Variants in GMIP observed in about 807,000 individuals in gnomAD.
The protein encoded by GMIP is GEM interacting protein, also known as GEM-interacting protein.
A neutral mutation model predicts 105.3 loss-of-function variants in GMIP; 54 were observed. The observed-to-expected ratio is 0.51, with a 90% CI of 0.41 to 0.64. GMIP has a LOEUF of 0.64. Among genes scored for constraint, GMIP ranks in the 30% least tolerant of loss-of-function variants. GMIP has a pLI of 0.00. For missense variants in GMIP, 1,110 were observed against 1,319.4 expected (o/e 0.84, Z 2.46); for synonymous variants, 541 against 560.8 (o/e 0.96, Z 0.50).
intron 13 of GMIP, among the ~76,000 whole-genome samples, chr19:19,636,320 C>T (rs952494401): frequency 4.0e-5 from 6 of 151,224 alleles, no homozygotes; most frequent in Admixed American, 2.0e-4. Flanking sequence ...GTCAGGAGTT[C>T]GAGATCAGCC....
intron 7 of GMIP, 68 bp downstream of exon 7, chr19:19,640,017 G>A (rs2061900945): frequency 1.3e-6 from 1 of 758,430 alleles, no homozygotes; most frequent in Non-Finnish European, 2.1e-6. Flanking sequence ...GGGAAACGAG[G>A]GGATCAGGCC....
At position 19,630,882 on chromosome 19, in the gene GMIP, T is replaced by C. The variant is rs918829792; in HGVS notation, c.2473-345A>G. Among the ~76,000 whole-genome samples the C allele has an allele frequency of 6.6e-6, 1 of 152,094 alleles. No individual in the cohort carries two copies. Among genetic ancestry groups the C allele is most frequent in the Admixed American group, 6.6e-5 (1 of 15,258 alleles). On this transcript the variant is annotated intron_variant, in intron 19 of 20. Transcript: ENST00000203556. This position sits in a 1 kb window ranked among gnomAD's most constrained non-coding sequence, Gnocchi z 4.8. ...CCTGTCATCCTTTGCAGTTTTGGTGTTTGGGGATAGACGATGCCCTTATAA... is the reference window on the plus strand; with the variant it reads ...CCTGTCATCCTTTGCAGTTTTGGTGCTTGGGGATAGACGATGCCCTTATAA...
Position 19,629,629 on chromosome 19 carries a change from CCT to C in GMIP, c.*332_*333del, listed in dbSNP as rs921468341. 2.6e-5 allele frequency: 7 copies of C among 273,118 alleles called. No individual in the cohort carries two copies. In the Admixed American group the frequency reaches 2.9e-4, roughly 11 times the overall value. The allele number at this position is 273,118 out of a possible 1,614,324, so 16.9% of individuals were successfully genotyped here. A position where few individuals can be genotyped will look rare whatever the true frequency, so the allele number is the denominator to read the frequency against. On this transcript the variant is annotated 3_prime_UTR_variant, in exon 21 of 21. Transcript: ENST00000203556. ...CCACAACCAAAGTAGCAAAAGCACC[CCT>C]GTCCCAGGTGTCAGAGACTAGGGTG...
rs1568418710 is a variant in GMIP, at chr19:19,640,201, GAC to G, written c.430-11_430-10del. The G allele has an allele frequency of 1.2e-6, 2 of 1,601,610 alleles. No homozygotes were observed. Among genetic ancestry groups the G allele is most frequent in the South Asian group, 2.2e-5 (2 of 90,840 alleles). On this transcript the variant is annotated splice_polypyrimidine_tract_variant and intron_variant, in intron 6 of 20. Transcript: ENST00000203556. ...TGCAGAGGCATGTGGCTCTGGGGAA[GAC>G]AGAGTGGTGTAGGAGGATACTGAAG... is the stretch of plus-strand genomic sequence containing the variant.
chr19:19,640,094 GTC>G lies in GMIP; in HGVS notation c.526_527del (p.Asp176LeufsTer11). On this transcript the variant is annotated frameshift_variant, in exon 7 of 21. Transcript: ENST00000203556. LOFTEE classifies it high-confidence loss of function. The part of the protein sequence containing the change: ...AMETVAQQKR[D>X]YYQPLAAKRT... Reference sequence around the variant, plus strand: ...ACCCTGCCCCCCTCACCTGGTAGTAGTCTCTTTTCTGCTGGGCCACTGTCTCC... The same window carrying G: ...ACCCTGCCCCCCTCACCTGGTAGTAGTCTTTTCTGCTGGGCCACTGTCTCC... 6.3e-7 allele frequency: 1 copy of G among 1,598,644 alleles called. No individual in the cohort carries two copies. The highest frequency in any genetic ancestry group is 8.6e-7 in the Non-Finnish European group (1 of 1,165,936).
At position 19,642,572 on chromosome 19, in the gene GMIP, G is replaced by A. The variant is rs145745438; in HGVS notation, c.67C>T (p.Arg23Trp). Residue 23 changes from arginine to tryptophan, a missense_variant, in exon 2 of 21, where the codon CGG (arginine) becomes TGG (tryptophan). Arg to Trp is a moderately radical substitution (Grantham distance 101). Coordinates refer to ENST00000203556, the MANE Select transcript of GMIP (RefSeq NM_016573.4). ...EGRKRYSDIF[R>W]SLDNLEISLG... ...GAGATTTCGAGGTTGTCCAGGCTCC[G>A]GAAGATGTCACTGTACCTCTTCCTG... 9.9e-6 allele frequency: 16 copies of A among 1,611,074 alleles called. 1 individual carries two copies. The highest frequency in any genetic ancestry group is 5.4e-5 in the African/African-American group (4 of 74,758).
intron 4 of GMIP, among the ~76,000 whole-genome samples, chr19:19,641,057 G>A (rs377666785): frequency 6.6e-6 from 1 of 151,894 alleles, no homozygotes; most frequent in Non-Finnish European, 1.5e-5. Flanking sequence ...ATGAGCCACC[G>A]TGCCCGGCCT....
chr19:19,639,597 C>A (rs1485466461), intron 7 of GMIP, among the ~76,000 whole-genome samples: 1 of 152,068 alleles, frequency 6.6e-6, no homozygotes, highest in Non-Finnish European at 1.5e-5. Context: ...GCCTGTAATC[C>A]CACCACTTTG....
At chr19:19,632,648 G>T (rs916313174) in intron 19 of GMIP, among the ~76,000 whole-genome samples, 1 of 152,166 alleles carries the variant, frequency 6.6e-6, no homozygotes. Context: ...TACCTCTCAG[G>T]ACTGTGGAGA....
chr19:19,641,630 C>T (rs1281169427), intron 4 of GMIP, among the ~76,000 whole-genome samples, 180 bp downstream of exon 4: 1 of 152,250 alleles, frequency 6.6e-6, no homozygotes, highest in East Asian at 1.9e-4. Flanking sequence ...AAGTGATCCT[C>T]CTACCTCAGC....
Position 19,630,563 on chromosome 19 carries a change from A to G in GMIP, c.2473-26T>C. The G allele has an allele frequency of 1.3e-6, 2 of 1,582,070 alleles. No homozygotes were observed. Among genetic ancestry groups the G allele is most frequent in the Non-Finnish European group, 8.7e-7 (1 of 1,151,222 alleles). On this transcript the variant is annotated intron_variant, in intron 19 of 20. Coordinates refer to ENST00000203556, the MANE Select transcript of GMIP (RefSeq NM_016573.4). This position sits in a 1 kb window ranked among gnomAD's most constrained non-coding sequence, Gnocchi z 4.8. ...CTGCAGGGAGAAACCCAAGAATGAGACCCCAACACTAAAATCCCAGTTCTT... is the reference window on the plus strand; with the variant it reads ...CTGCAGGGAGAAACCCAAGAATGAGGCCCCAACACTAAAATCCCAGTTCTT...
rs1249041925 is a variant in GMIP at position 19,640,534 on chromosome 19, C to A, written c.276G>T (p.Gly92=). The change falls in exon 5 of 21, where the codon GGG becomes GGT. Residue 92 remains glycine, a synonymous_variant. Coordinates refer to ENST00000203556, the MANE Select transcript of GMIP (RefSeq NM_016573.4). ...ELDLRLIRTK[G]GVDAALEYAK... is the part of the protein sequence containing the mutation. ...CATATTCCAGGGCTGCGTCCACACCCCCCTTTGTCCGAATGAGCCGCAAGT... is the reference window on the plus strand; with the variant it reads ...CATATTCCAGGGCTGCGTCCACACCACCCTTTGTCCGAATGAGCCGCAAGT... 9.9e-6 allele frequency: 16 copies of A among 1,613,836 alleles called. No individual in the cohort carries two copies. Among genetic ancestry groups the A allele is most frequent in the Middle Eastern group, 3.3e-4 (2 of 6,084 alleles).
Position 19,635,491 on chromosome 19 carries a change from T to C in GMIP, c.1484A>G (p.Gln495Arg). The C allele has an allele frequency of 1.9e-6, 3 of 1,611,978 alleles. No individual in the cohort carries two copies. Among genetic ancestry groups the C allele is most frequent in the Non-Finnish European group, 2.5e-6 (3 of 1,179,996 alleles). ...WTLSSAAQTHQLRRLRGPAKC... is the reference protein window; with the variant it reads ...WTLSSAAQTHRLRRLRGPAKC... ...GGCTGGGCCCCGCAGTCGCCGCAGC[T>C]GGTGGGTCTGAGCCGCGCTGGACAG... Residue 495 changes from glutamine (Q) to arginine (R), a missense_variant, in exon 15 of 21, where the codon CAG becomes CGG. Transcript: ENST00000203556. The surrounding 1 kb of genome is among the most constrained non-coding windows in gnomAD (Gnocchi z 4.7).
chr19:19,630,630 AAAGG>A lies in GMIP; in HGVS notation c.2473-97_2473-94del. On this transcript the variant is annotated intron_variant, in intron 19 of 20. Transcript: ENST00000203556. This position sits in a 1 kb window ranked among gnomAD's most constrained non-coding sequence, Gnocchi z 4.8. Reference sequence around the variant, plus strand: ...CCAAGGGCTTGTTCCTGGACATGCAAAAGGAATAGCCAGTGCAAAGGCCCTGAGG... The same window carrying A: ...CCAAGGGCTTGTTCCTGGACATGCAAAATAGCCAGTGCAAAGGCCCTGAGG... The A allele has an allele frequency of 8.9e-7, 1 of 1,124,418 alleles. No homozygotes were observed. Among genetic ancestry groups the A allele is most frequent in the Non-Finnish European group, 1.4e-6 (1 of 738,882 alleles). The allele number at this position is 1,124,418 out of a possible 1,614,324, so 69.7% of individuals were successfully genotyped here. A position where few individuals can be genotyped will look rare whatever the true frequency, so the allele number is the denominator to read the frequency against.
rs1317726343 is a variant in GMIP, at chr19:19,635,854, G to C, written c.1328-133C>G. ...GGGATTGGACAGGTCAGTGGTTAAG[G>C]GTTGGAGAATTGGGTCAGCAACCTG... On this transcript the variant is annotated intron_variant, in intron 13 of 20. Transcript: ENST00000203556. This position sits in a 1 kb window ranked among gnomAD's most constrained non-coding sequence, Gnocchi z 4.7. The C allele has an allele frequency of 1.2e-5, 9 of 741,442 alleles. No individual in the cohort carries two copies. Among genetic ancestry groups the C allele is most frequent in the East Asian group, 1.0e-4 (4 of 38,980 alleles). 45.9% of individuals were successfully genotyped at this position (741,442 alleles called of 1,614,324 possible).
rs1274164499 is a variant in GMIP at position 19,635,364 on chromosome 19, G to T, written c.1560+51C>A. On this transcript the variant is annotated intron_variant, in intron 15 of 20. Transcript: ENST00000203556. This position sits in a 1 kb window ranked among gnomAD's most constrained non-coding sequence, Gnocchi z 4.7. The stretch of plus-strand genomic sequence containing the variant: ...AAGGCTGTAGGAATCTCAGGTCAGG[G>T]AGATGATCAAGGGTCAGCAAAGGTC... The T allele has an allele frequency of 6.3e-7, 1 of 1,586,372 alleles. No individual in the cohort carries two copies. Among genetic ancestry groups the T allele is most frequent in the Non-Finnish European group, 8.6e-7 (1 of 1,163,004 alleles).
In GMIP at chr19:19,630,280, T is replaced by G. The variant is rs769537019; in HGVS notation, c.2596A>C (p.Ser866Arg). ...LLGTQSRGHFSRQPVKYPRGG... is the reference protein window; with the variant it reads ...LLGTQSRGHFRRQPVKYPRGG... ...CGGGGATACTTCACTGGCTGGCGGC[T>G]GAAGTGGCCACGAGACTGTGTCCCC... Residue 866 changes from serine (S) to arginine (R), a missense_variant, in exon 21 of 21, where the codon AGC becomes CGC. By Grantham distance (110) the Ser-to-Arg change is moderately radical. Transcript: ENST00000203556. The surrounding 1 kb of genome is among the most constrained non-coding windows in gnomAD (Gnocchi z 4.8). The G allele has an allele frequency of 6.5e-7, 1 of 1,549,860 alleles. No individual in the cohort carries two copies. The highest frequency in any genetic ancestry group is 8.7e-7 in the Non-Finnish European group (1 of 1,146,200).
chr19:19,640,829 G>A (rs1257436814), intron 4 of GMIP, among the ~76,000 whole-genome samples: 3 of 151,754 alleles, frequency 2.0e-5, no homozygotes, highest in Non-Finnish European at 2.9e-5. Flanking sequence ...GCAATGGCGC[G>A]ATTTTGGCTC....
Position 19,634,125 on chromosome 19 carries a change from G to A in GMIP, c.2150C>T (p.Thr717Ile). Residue 717 changes from threonine (T) to isoleucine (I), a missense_variant, in exon 19 of 21, where the codon ACA becomes ATA. Physicochemically the swap from Thr to Ile is moderately conservative, Grantham distance 89. This residue lies in a region of GMIP where 394 missense variants were observed against 450.5 expected (regional missense o/e 0.87). Coordinates refer to ENST00000203556, the MANE Select transcript of GMIP (RefSeq NM_016573.4). This position sits in a 1 kb window ranked among gnomAD's most constrained non-coding sequence, Gnocchi z 6.1. ...ANNLGIVFGPTLLRPPDGPRA... is the reference protein window; with the variant it reads ...ANNLGIVFGPILLRPPDGPRA... Reference sequence around the variant, plus strand: ...CGGGCCGTCCGGCGGCCGCAGCAGTGTCGGCCCAAACACAATGCCCAGGTT... The same window carrying A: ...CGGGCCGTCCGGCGGCCGCAGCAGTATCGGCCCAAACACAATGCCCAGGTT... The A allele has an allele frequency of 6.2e-7, 1 of 1,612,154 alleles. No individual in the cohort carries two copies.
Sources: allele counts gnomAD v4.1 joint callset (sites outside exome capture counted in the v4.1 genomes callset), GRCh38; gene constraint gnomAD v4.1.1; regional missense constraint gnomAD v4.1.1; non-coding constraint Gnocchi (gnomAD v3.1); transcripts MANE v1.5; gene names NCBI Gene and HGNC (gene_info 2026-07-23, HGNC 2026-07-21).